Variants in AFF3 observed in about 807,000 individuals in gnomAD.
AFF3 encodes the protein ALF transcription elongation factor 3.
A neutral mutation model predicts 129.7 loss-of-function variants in AFF3; 32 were observed. The ratio of observed to expected loss-of-function variants is 0.25; its 90% CI spans 0.19 to 0.33. The LOEUF (loss-of-function observed/expected upper bound fraction) is 0.33, where lower values mean the gene tolerates loss of function less well. Ranked by LOEUF, AFF3 falls within the 10% of genes least tolerant of loss-of-function variation. The pLI, the probability that AFF3 is intolerant of heterozygous loss-of-function variation, is 1.00. For missense variants in AFF3, 1,373 were observed against 1,592.0 expected (o/e 0.86, Z 2.34); for synonymous variants, 644 against 635.4 (o/e 1.01, Z -0.20).
intron 4 of AFF3, among the ~76,000 whole-genome samples, chr2:100,034,926 T>C: frequency 6.6e-6 from 1 of 152,218 alleles, no homozygotes; most frequent in Middle Eastern, 3.2e-3. Flanking sequence ...TTGTAAAATA[T>C]GAAGTCTGAC....
chr2:99,751,038 G>C (rs1367807139), intron 9 of AFF3, among the ~76,000 whole-genome samples: 3 of 152,184 alleles, frequency 2.0e-5, no homozygotes, highest in Non-Finnish European at 4.4e-5. Flanking sequence ...ATAACAGCAT[G>C]AACAATTCTT....
At chr2:99,619,528 G>A (rs958343921) in intron 13 of AFF3, among the ~76,000 whole-genome samples, 1 of 152,214 alleles carries the variant, frequency 6.6e-6, no homozygotes, top group African/African-American at 2.4e-5. Context: ...CTGATAGACT[G>A]TGTCTGGTGA....
chr2:99,821,558 G>T (rs930159960), intron 8 of AFF3, among the ~76,000 whole-genome samples: 1 of 152,154 alleles, frequency 6.6e-6, no homozygotes, highest in Non-Finnish European at 1.5e-5. Flanking sequence ...TTGTTGGGCC[G>T]CATTCAAAGC....
intron 7 of AFF3, among the ~76,000 whole-genome samples, chr2:99,954,940 A>G (rs1044056426): frequency 6.6e-6 from 1 of 152,020 alleles, no homozygotes; most frequent in African/African-American, 2.4e-5. Flanking sequence ...ATAAAGAAAA[A>G]AAAAGAAAAT....
At chr2:99,726,412 G>A (rs1679367062) in intron 11 of AFF3, among the ~76,000 whole-genome samples, 1 of 152,132 alleles carries the variant, frequency 6.6e-6, no homozygotes, top group South Asian at 2.1e-4. Flanking sequence ...GAGCAAACCT[G>A]TTATTGACTC....
At chr2:99,658,182 A>G (rs538910755) in intron 12 of AFF3, among the ~76,000 whole-genome samples, 1 of 152,344 alleles carries the variant, frequency 6.6e-6, no homozygotes, top group East Asian at 1.9e-4. Context: ...GTCCCTGTCC[A>G]GGTAAAGGCT....
chr2:99,886,666 C>T (rs191712930), intron 7 of AFF3, among the ~76,000 whole-genome samples: 12 of 152,090 alleles, frequency 7.9e-5, no homozygotes, highest in East Asian at 3.9e-4. Flanking sequence ...CTATATACCA[C>T]GCTTCATGAA....
chr2:99,944,420 T>C (rs1328656531), intron 7 of AFF3, among the ~76,000 whole-genome samples: 2 of 152,222 alleles, frequency 1.3e-5, no homozygotes, highest in African/African-American at 4.8e-5. Context: ...ACTGTAAAAT[T>C]AGAGCTATTT....
At chr2:99,909,121 A>C (rs1448072913) in intron 7 of AFF3, among the ~76,000 whole-genome samples, 4 of 152,134 alleles carry the variant, frequency 2.6e-5, no homozygotes, top group Non-Finnish European at 5.9e-5. Flanking sequence ...GATTAAGAAA[A>C]TGTGGCACAT....
chr2:99,677,314 G>T (rs556573200), intron 11 of AFF3, among the ~76,000 whole-genome samples: 6 of 151,380 alleles, frequency 4.0e-5, no homozygotes, highest in Admixed American at 6.6e-5. Context: ...AACAGACCTG[G>T]ACTTCATGGC....
At chr2:99,604,659 C>T (rs566546298) in intron 13 of AFF3, among the ~76,000 whole-genome samples, 1 of 152,246 alleles carries the variant, frequency 6.6e-6, no homozygotes, top group African/African-American at 2.4e-5. Context: ...GATCCCAAAA[C>T]ACTCAAAACA....
chr2:99,743,436 C>T (rs758943213), intron 10 of AFF3, among the ~76,000 whole-genome samples: 3 of 152,156 alleles, frequency 2.0e-5, no homozygotes, highest in Non-Finnish European at 2.9e-5. Flanking sequence ...ACTAACAAAG[C>T]CCAGTCTTTG....
intron 4 of AFF3, among the ~76,000 whole-genome samples, chr2:100,056,063 T>TCACACACACA (rs369771394): frequency 3.6e-4 from 44 of 120,554 alleles, no homozygotes; most frequent in African/African-American, 1.3e-3. Flanking sequence ...TGTCTCTCTC[T>TCACACACACA]CACACACACA....
chr2:100,090,503 C>T (rs1689763572), intron 4 of AFF3, among the ~76,000 whole-genome samples: 1 of 152,106 alleles, frequency 6.6e-6, no homozygotes, highest in Non-Finnish European at 1.5e-5. Context: ...ACAGACAATC[C>T]ATGCACAGTG....
chr2:99,820,229 A>G (rs1687550812), intron 8 of AFF3, among the ~76,000 whole-genome samples: 1 of 152,132 alleles, frequency 6.6e-6, no homozygotes, highest in Non-Finnish European at 1.5e-5. Flanking sequence ...CCTAGCCTAT[A>G]TGGTATGGCC....
At chr2:99,853,635 T>C (rs1690308974) in intron 7 of AFF3, among the ~76,000 whole-genome samples, 1 of 152,048 alleles carries the variant, frequency 6.6e-6, no homozygotes, top group African/African-American at 2.4e-5. Flanking sequence ...ATGCTGTTAT[T>C]ATCTACATTT....
chr2:99,804,283 A>C (rs771575393), intron 8 of AFF3, among the ~76,000 whole-genome samples: 17 of 152,250 alleles, frequency 1.1e-4, no homozygotes, highest in South Asian at 2.1e-4. Flanking sequence ...AATGACATGA[A>C]TAGACATTTT....
intron 4 of AFF3, among the ~76,000 whole-genome samples, chr2:100,024,140 G>T (rs1683831882): frequency 1.4e-5 from 2 of 147,032 alleles, no homozygotes; most frequent in South Asian, 4.3e-4. Flanking sequence ...GCTGAGGCAG[G>T]AGAATGGCGT....
rs1396930365 is a variant in AFF3, at chr2:99,837,491, C to G, written c.907G>C (p.Glu303Gln). 1 of 1,613,662 alleles carries G rather than the reference C, an allele frequency of 6.2e-7. No homozygotes were observed. Among genetic ancestry groups the G allele is most frequent in the Admixed American group, 1.7e-5 (1 of 60,000 alleles). ...AATAATCTTACCCGGATTATTTCTT[C>G]AACACAGCTGTTGGTTTCTCCAGAT... ...SRSGETNSCV[E>Q]EIIREMTWLP... Residue 303 changes from glutamate to glutamine, a missense_variant, in exon 8 of 25, where the codon GAA (glutamate) becomes CAA (glutamine). This residue lies in a region of AFF3 where 413 missense variants were observed against 424.4 expected (regional missense o/e 0.97). Coordinates refer to ENST00000672756, the MANE Select transcript of AFF3 (RefSeq NM_001386135.1).
Sources: gnomAD v4.1 joint callset for allele counts (sites outside exome capture counted in the v4.1 genomes callset) on GRCh38, gnomAD v4.1.1 for gene constraint, gnomAD v4.1.1 regional missense constraint, MANE v1.5 for transcripts, NCBI Gene and HGNC (gene_info 2026-07-23, HGNC 2026-07-21) for gene names.